Variants in ADGRB3 observed in about 807,000 individuals in gnomAD.
ADGRB3 encodes brain-specific angiogenesis inhibitor 3.
ADGRB3 carries 37 observed loss-of-function variants against 193.4 expected under a neutral mutation model. That is an observed-to-expected ratio of 0.19 (90% CI 0.15 to 0.25). ADGRB3 has a LOEUF of 0.25. Ranked by LOEUF, ADGRB3 falls within the 10% of genes least tolerant of loss-of-function variation. ADGRB3 has a pLI of 1.00. For synonymous variants in ADGRB3, 690 were observed against 644.2 expected, an observed-to-expected ratio of 1.07 and a Z score of -1.08; for missense variants, 1,637 against 1,852.9, an observed-to-expected ratio of 0.88 and a Z score of 2.14.
chr6:68,802,662 T>C (rs770046165), intron 3 of ADGRB3, among the ~76,000 whole-genome samples: 37 of 152,306 alleles, frequency 2.4e-4, no homozygotes, highest in Non-Finnish European at 4.3e-4. Flanking sequence ...ATGAATCCAT[T>C]TAAACAGTTG....
chr6:69,297,558 C>A (rs3799081), intron 20 of ADGRB3, among the ~76,000 whole-genome samples: 65,556 of 151,456 alleles, frequency 0.43, 16,011 homozygotes, highest in African/African-American at 0.65. Context: ...CTGGGGATTT[C>A]GGTGGGGGAG....
chr6:69,094,353 GA>G (rs1582455872), intron 17 of ADGRB3, among the ~76,000 whole-genome samples: 1 of 152,334 alleles, frequency 6.6e-6, no homozygotes, highest in East Asian at 1.9e-4. Context: ...AATGATTAAA[GA>G]TGTAGTTTCT....
chr6:69,083,069 T>G (rs539650695), intron 17 of ADGRB3, among the ~76,000 whole-genome samples: 1 of 152,302 alleles, frequency 6.6e-6, no homozygotes, highest in Non-Finnish European at 1.5e-5. Context: ...AGTTCAGAAT[T>G]TATAGAAATA....
At position 69,073,128 on chromosome 6, in the gene ADGRB3, G is replaced by A. The variant is rs569201740; in HGVS notation, c.2437-2867G>A. On this transcript the variant is annotated intron_variant, in intron 16 of 31. Coordinates refer to ENST00000370598, the MANE Select transcript of ADGRB3 (RefSeq NM_001704.3). ...AAGCATTTTGCTTGGATTGTTACAG[G>A]AACATTCCATGTCTATGTTCCTCAT... Among the ~76,000 whole-genome samples the A allele has an allele frequency of 2.6e-5, 4 of 152,254 alleles. No individual in the cohort carries two copies. The South Asian group carries it at 8.3e-4, about 32-fold the overall frequency.
At chr6:69,323,503 T>G (rs145556471) in intron 20 of ADGRB3, among the ~76,000 whole-genome samples, 118 of 152,182 alleles carry the variant, frequency 7.8e-4, no homozygotes, top group Middle Eastern at 3.4e-3. Flanking sequence ...TTTCAAGTAT[T>G]CCATGATTTT....
intron 17 of ADGRB3, among the ~76,000 whole-genome samples, chr6:69,145,124 CA>C (rs1774449728): frequency 6.6e-6 from 1 of 152,180 alleles, no homozygotes; most frequent in Non-Finnish European, 1.5e-5. Flanking sequence ...TGCTTGCGCC[CA>C]CTGGGCCCAC....
chr6:68,769,855 A>T (rs1766581972), intron 3 of ADGRB3, among the ~76,000 whole-genome samples: 1 of 152,138 alleles, frequency 6.6e-6, no homozygotes, highest in South Asian at 2.1e-4. Flanking sequence ...AAGAACTCAT[A>T]TCTAAACTCT....
intron 20 of ADGRB3, among the ~76,000 whole-genome samples, chr6:69,242,125 C>T (rs1766397105): frequency 6.6e-6 from 1 of 151,746 alleles, no homozygotes; most frequent in Non-Finnish European, 1.5e-5. Flanking sequence ...ATGTGAAAGG[C>T]TACATCTGTT....
intron 3 of ADGRB3, among the ~76,000 whole-genome samples, chr6:68,708,185 T>C (rs1475395976): frequency 6.6e-6 from 1 of 152,218 alleles, no homozygotes; most frequent in Non-Finnish European, 1.5e-5. Context: ...TTTGACTTTG[T>C]GGTTTCTTGC....
intron 3 of ADGRB3, among the ~76,000 whole-genome samples, chr6:68,827,799 T>A (rs961152209): frequency 1.3e-5 from 2 of 152,148 alleles, no homozygotes; most frequent in African/African-American, 4.8e-5. Context: ...CTGCATAATC[T>A]AGCCCCTTTC....
chr6:69,249,515 C>A (rs1582577104), intron 20 of ADGRB3, among the ~76,000 whole-genome samples: 1 of 152,156 alleles, frequency 6.6e-6, no homozygotes, highest in African/African-American at 2.4e-5. Context: ...TTTGTTAAAG[C>A]CCTTATTAGA....
In ADGRB3 at chr6:68,652,159, C is replaced by A. The variant is rs575044048; in HGVS notation, c.757+12727C>A. 1.5e-4 allele frequency among the ~76,000 whole-genome samples: 23 copies of A among 152,210 alleles called. No individual in the cohort carries two copies. In the South Asian group the frequency reaches 4.8e-3, roughly 32 times the overall value. ...TGGTGCTTCTCAGGTATCTTCAATG[C>A]CTGCTGGGTAGCGTCCGATAAGCGT... On this transcript the variant is annotated intron_variant, in intron 3 of 31. Transcript: ENST00000370598.
intron 20 of ADGRB3, among the ~76,000 whole-genome samples, chr6:69,267,507 C>G (rs188672766): frequency 1.3e-5 from 2 of 152,068 alleles, no homozygotes; most frequent in Non-Finnish European, 2.9e-5. Flanking sequence ...AAAAATCTAA[C>G]AAGTAAAAGA....
chr6:69,269,104 G>A (rs887414743), intron 20 of ADGRB3, among the ~76,000 whole-genome samples: 2 of 152,008 alleles, frequency 1.3e-5, no homozygotes, highest in African/African-American at 4.8e-5. Context: ...AATACAGTTG[G>A]TTCTTTCATC....
chr6:69,030,003 C>CACACACAT (rs754945190), intron 13 of ADGRB3, among the ~76,000 whole-genome samples: 45 of 147,924 alleles, frequency 3.0e-4, no homozygotes, highest in African/African-American at 9.6e-4. Flanking sequence ...CACACACACA[C>CACACACAT]ATATATATAT....
chr6:69,070,712 T>G (rs914806186), intron 16 of ADGRB3, among the ~76,000 whole-genome samples: 6 of 152,198 alleles, frequency 3.9e-5, no homozygotes, highest in Admixed American at 3.3e-4. Flanking sequence ...AGCCAATGAA[T>G]CTACATTTTC....
intron 13 of ADGRB3, among the ~76,000 whole-genome samples, chr6:69,027,382 C>G (rs1457130659): frequency 6.6e-6 from 1 of 152,110 alleles, no homozygotes; most frequent in East Asian, 1.9e-4. Context: ...TATGATAACA[C>G]TATTTTCTTC....
Position 68,914,982 on chromosome 6 carries a change from T to A in ADGRB3, c.758-15577T>A, listed in dbSNP as rs79730108. The stretch of plus-strand genomic sequence containing the variant: ...ATTATAAAAACCCAGAGCATATATT[T>A]GCCTGATTCTCTGTTAATCATATTT... On this transcript the variant is annotated intron_variant, in intron 3 of 31. Transcript: ENST00000370598. Among the ~76,000 whole-genome samples, 278 of 152,338 alleles carry A rather than the reference T, an allele frequency of 1.8e-3. 1 individual carries two copies. In the East Asian group the frequency reaches 0.047, roughly 26 times the overall value.
At chr6:69,167,586 GT>G (rs1775162287) in intron 17 of ADGRB3, among the ~76,000 whole-genome samples, 1 of 151,910 alleles carries the variant, frequency 6.6e-6, no homozygotes, top group Non-Finnish European at 1.5e-5. Context: ...TTTTGTTTTT[GT>G]TTTTTTCTCA....
Sources: allele counts gnomAD v4.1 joint callset (sites outside exome capture counted in the v4.1 genomes callset), GRCh38; gene constraint gnomAD v4.1.1; transcripts MANE v1.5; gene names NCBI Gene and HGNC (gene_info 2026-07-23, HGNC 2026-07-21).